The following SGCD variants were observed in gnomAD, a reference collection of about 807,000 sequenced individuals.
SGCD encodes the protein sarcoglycan delta, also known as delta-sarcoglycan.
In SGCD, 18 loss-of-function variants were observed where a neutral mutation model predicts 36.6. The observed-to-expected ratio is 0.49, with a 90% confidence interval of 0.34 to 0.73. SGCD has a LOEUF of 0.73. Among genes scored for constraint, SGCD ranks in the 30% least tolerant of loss-of-function variants. The pLI is 0.01. For missense variants in SGCD, 387 were observed against 346.7 expected (o/e 1.12, Z -0.92); for synonymous variants, 133 against 130.6 (o/e 1.02, Z -0.12).
rs184529985 is a variant in SGCD, at chr5:156,487,293, A to C, written c.193-21308A>C. ...ATATAGAGATCACACTACTGCACCT[A>C]CCCAGAATCAAAGCCAAAGCATCCT... On this transcript the variant is annotated intron_variant, in intron 3 of 8. Coordinates refer to ENST00000337851, the MANE Select transcript of SGCD (RefSeq NM_000337.6). Among the ~76,000 whole-genome samples, 932 of 152,312 alleles carry C rather than the reference A, an allele frequency of 6.1e-3. 9 individuals carry two copies. Among genetic ancestry groups the C allele is most frequent in the Admixed American group, 5.9e-3 (91 of 15,302 alleles).
At chr5:156,375,118 C>T (rs1052178540) in intron 3 of SGCD, among the ~76,000 whole-genome samples, 2 of 152,018 alleles carry the variant, frequency 1.3e-5, no homozygotes, top group Admixed American at 1.3e-4. Flanking sequence ...GCTTATTCTC[C>T]CCACTCCTTC....
intron 1 of SGCD, among the ~76,000 whole-genome samples, chr5:155,876,407 A>G (rs2113285550): frequency 6.6e-6 from 1 of 150,936 alleles, no homozygotes; most frequent in East Asian, 1.9e-4. Context: ...AATAAATGCA[A>G]AACACATTGC....
intron 1 of SGCD, among the ~76,000 whole-genome samples, chr5:155,895,702 C>T (rs1233399758): frequency 1.4e-5 from 2 of 142,620 alleles, no homozygotes; most frequent in Non-Finnish European, 3.1e-5. Flanking sequence ...AAAAAAAAAA[C>T]ATGAAGAACA....
At chr5:156,436,802 T>G (rs767480164) in intron 3 of SGCD, among the ~76,000 whole-genome samples, 1 of 152,180 alleles carries the variant, frequency 6.6e-6, no homozygotes, top group Non-Finnish European at 1.5e-5. Context: ...ATCAAATTTT[T>G]GATAGTTGAC....
At chr5:156,173,145 G>A (rs900373376) in intron 3 of SGCD, among the ~76,000 whole-genome samples, 1 of 151,958 alleles carries the variant, frequency 6.6e-6, no homozygotes, top group Non-Finnish European at 1.5e-5. Context: ...AATAATAAAG[G>A]TAGAGATTTC....
intron 3 of SGCD, among the ~76,000 whole-genome samples, chr5:156,143,887 C>A (rs1252360839): frequency 1.8e-5 from 2 of 113,710 alleles, no homozygotes; most frequent in African/African-American, 3.4e-5. Context: ...TCCCTCCCCC[C>A]TCCCCCCACC....
intron 3 of SGCD, among the ~76,000 whole-genome samples, chr5:156,225,765 G>A (rs1274899568): frequency 6.6e-6 from 1 of 151,806 alleles, no homozygotes; most frequent in African/African-American, 2.4e-5. Context: ...TGACAGGAGA[G>A]AATTTTTGAT....
At chr5:155,990,154 C>A (rs1758403692) in intron 1 of SGCD, among the ~76,000 whole-genome samples, 1 of 152,142 alleles carries the variant, frequency 6.6e-6, no homozygotes, top group African/African-American at 2.4e-5. Context: ...AGCATGCTTG[C>A]AAGCTGTACA....
intron 1 of SGCD, among the ~76,000 whole-genome samples, chr5:155,911,000 T>G (rs2113356215): frequency 6.6e-6 from 1 of 152,204 alleles, no homozygotes; most frequent in East Asian, 1.9e-4. Context: ...AGAGCCAGCT[T>G]CAGTGACTCT....
intron 6 of SGCD, among the ~76,000 whole-genome samples, chr5:156,646,654 C>A (rs560879038): frequency 6.6e-6 from 1 of 152,144 alleles, no homozygotes; most frequent in Non-Finnish European, 1.5e-5. Flanking sequence ...AAAAGAAACA[C>A]CTTTACTTCA....
At position 156,456,630 on chromosome 5, in the gene SGCD, CA is replaced by C. The variant is rs1165944902; in HGVS notation, c.193-51963del. On this transcript the variant is annotated intron_variant, in intron 3 of 8. Transcript: ENST00000337851. Reference sequence around the variant, plus strand: ...ATAAATTGAGGAATGAATTGTTAAGCAAAAAAAATCTCTGGGATTACCAGAA... The same window carrying C: ...ATAAATTGAGGAATGAATTGTTAAGCAAAAAAATCTCTGGGATTACCAGAA... 2.0e-5 allele frequency among the ~76,000 whole-genome samples: 3 copies of C among 151,798 alleles called. No individual in the cohort carries two copies. The East Asian group carries it at 5.8e-4, about 29-fold the overall frequency.
chr5:156,031,621 C>T (rs1384527987), intron 1 of SGCD, among the ~76,000 whole-genome samples: 1 of 152,176 alleles, frequency 6.6e-6, no homozygotes, highest in Non-Finnish European at 1.5e-5. Flanking sequence ...GACAGGCTTA[C>T]ATAGTCTAAA....
At chr5:156,273,620 G>C (rs900792989) in intron 3 of SGCD, among the ~76,000 whole-genome samples, 1 of 152,132 alleles carries the variant, frequency 6.6e-6, no homozygotes. Context: ...TAGAAGAAAA[G>C]AATTTTTAGC....
At chr5:156,399,105 A>C (rs10040076) in intron 3 of SGCD, among the ~76,000 whole-genome samples, 112,134 of 152,090 alleles carry the variant, frequency 0.74, 41,617 homozygotes, top group Middle Eastern at 0.89. Context: ...TATTAATATT[A>C]CTATTAATAC....
intron 1 of SGCD, among the ~76,000 whole-genome samples, chr5:156,001,776 A>G (rs1360477137): frequency 6.6e-6 from 1 of 152,250 alleles, no homozygotes; most frequent in Non-Finnish European, 1.5e-5. Context: ...TTTGAGTTAA[A>G]ATAGGAAATA....
chr5:155,984,803 T>C (rs1054759571), intron 1 of SGCD, among the ~76,000 whole-genome samples: 1 of 152,202 alleles, frequency 6.6e-6, no homozygotes, highest in Non-Finnish European at 1.5e-5. Flanking sequence ...ACCCTCTTAG[T>C]GCCAGGTGCT....
intron 6 of SGCD, among the ~76,000 whole-genome samples, chr5:156,620,587 A>G (rs1762205741): frequency 6.6e-6 from 1 of 152,154 alleles, no homozygotes; most frequent in Non-Finnish European, 1.5e-5. Context: ...TAGAGGAGAA[A>G]TAGGGGGAAG....
At chr5:156,399,030 A>T (rs1450290281) in intron 3 of SGCD, among the ~76,000 whole-genome samples, 1 of 152,190 alleles carries the variant, frequency 6.6e-6, no homozygotes, top group African/African-American at 2.4e-5. Flanking sequence ...GTTCTATTGG[A>T]TTGCTATGCT....
At chr5:155,776,053 T>C in the SGCD span, among the ~76,000 whole-genome samples, 3 of 152,324 alleles carry the variant, frequency 2.0e-5, no homozygotes, top group African/African-American at 7.2e-5. Flanking sequence ...TTCTGGATGT[T>C]AACTAGCTTC....
Sources: allele counts gnomAD v4.1 joint callset (sites outside exome capture counted in the v4.1 genomes callset), GRCh38; gene constraint gnomAD v4.1.1; transcripts MANE v1.5; gene names NCBI Gene and HGNC (gene_info 2026-07-23, HGNC 2026-07-21).